Variants in RNF213 observed in about 807,000 individuals in gnomAD.
The protein encoded by RNF213 is E3 ubiquitin-protein ligase RNF213.
RNF213 carries 341 observed loss-of-function variants against 514.4 expected under a neutral mutation model. That is an observed-to-expected ratio of 0.66 (90% CI 0.61 to 0.73). The LOEUF (loss-of-function observed/expected upper bound fraction) is 0.73. Ranked by LOEUF, RNF213 falls within the 30% of genes least tolerant of loss-of-function variation. RNF213 has a pLI of 0.00. For synonymous variants in RNF213, 2,655 were observed against 2,658.2 expected (o/e 1.00, Z 0.04); for missense variants, 5,767 against 6,615.6 (o/e 0.87, Z 4.45).
intron 23 of RNF213, 95 bp from the exon 24 acceptor site, chr17:80,337,491 G>C: frequency 4.1e-6 from 6 of 1,468,816 alleles, no homozygotes; most frequent in Non-Finnish European, 4.5e-6. Flanking sequence ...AGAAGGCTCT[G>C]CAGCGAGGCA....
At chr17:80,273,119 G>A (rs1440351475) in intron 2 of RNF213, 122 bp from the exon 3 acceptor site, 2 of 1,345,222 alleles carry the variant, frequency 1.5e-6, no homozygotes, top group East Asian at 2.3e-5. Context: ...CAGGCCCAAT[G>A]CAGGACCTCG....
intron 26 of RNF213, chr17:80,341,164 C>G (rs1363414854): frequency 4.6e-5 from 7 of 152,214 alleles, no homozygotes; most frequent in Non-Finnish European, 7.3e-5. Context: ...GTCTCAAACT[C>G]CTGACCTCAG....
intron 21 of RNF213, among the ~76,000 whole-genome samples, chr17:80,333,052 T>C (rs978255753): frequency 3.3e-5 from 5 of 149,634 alleles, no homozygotes; most frequent in Non-Finnish European, 5.9e-5. Flanking sequence ...GTGACTCTTT[T>C]GCTTTTTTTT....
intron 67 of RNF213, 32 bp from the exon 68 acceptor site, chr17:80,393,312 CT>C: frequency 6.2e-7 from 1 of 1,609,248 alleles, no homozygotes; most frequent in Non-Finnish European, 8.5e-7. Flanking sequence ...GCTGAGGAGA[CT>C]GTTTTAAATG....
At chr17:80,376,589 C>CA in intron 52 of RNF213, 46 bp downstream of exon 52, 1 of 1,612,790 alleles carries the variant, frequency 6.2e-7, no homozygotes, top group Non-Finnish European at 8.5e-7. Flanking sequence ...GAACACCCCC[C>CA]AGAGCTTGTC....
chr17:80,287,593 G>A (rs1289128248), intron 3 of RNF213, among the ~76,000 whole-genome samples: 2 of 152,236 alleles, frequency 1.3e-5, no homozygotes, highest in African/African-American at 2.4e-5. Flanking sequence ...ACCGTGCCGA[G>A]TGTGGCGAGC....
intron 46 of RNF213, 91 bp from the exon 47 acceptor site, chr17:80,371,782 AG>A: frequency 1.4e-6 from 1 of 726,218 alleles, no homozygotes. Flanking sequence ...ACACACACAC[AG>A]GACAGACGAC....
intron 2 of RNF213, among the ~76,000 whole-genome samples, chr17:80,271,315 C>T (rs1244677612): frequency 1.3e-5 from 2 of 152,228 alleles, no homozygotes; most frequent in Non-Finnish European, 1.5e-5. Context: ...TGCTAAGGAA[C>T]TTCACGAATT....
At chr17:80,336,133 C>T (rs1000743624) in intron 22 of RNF213, 28 bp from the exon 23 acceptor site, 50 of 1,524,204 alleles carry the variant, frequency 3.3e-5, no homozygotes, top group Non-Finnish European at 3.9e-5. Context: ...AATAGTCCCA[C>T]GCTGAACTCC....
At chr17:80,338,335 TCTCA>T (rs1323099064) in intron 25 of RNF213, among the ~76,000 whole-genome samples, 1 of 152,190 alleles carries the variant, frequency 6.6e-6, no homozygotes, top group Non-Finnish European at 1.5e-5. Context: ...GAATTGCCTC[TCTCA>T]CTCTGTAAAT....
In RNF213 at chr17:80,377,541, ATAAAAT is replaced by A. The variant is rs1319661987; in HGVS notation, c.13511-217_13511-212del. The stretch of plus-strand genomic sequence containing the variant: ...CTATATTCTAATTGCTCTTTACTTG[ATAAAAT>A]TAATAAAATTAGACTCAGACATTTT... On this transcript the variant is annotated intron_variant, in intron 53 of 67. Coordinates refer to ENST00000582970, the MANE Select transcript of RNF213 (RefSeq NM_001256071.3). This position sits in a 1 kb window ranked among gnomAD's most constrained non-coding sequence, Gnocchi z 4.1. 1.6e-6 allele frequency: 1 copy of A among 625,520 alleles called. No homozygotes were observed. Among genetic ancestry groups the A allele is most frequent in the African/African-American group, 1.8e-5 (1 of 54,942 alleles). The allele number at this position is 625,520 out of a possible 1,614,324, so 38.7% of individuals were successfully genotyped here. A position where few individuals can be genotyped will look rare whatever the true frequency, so the allele number is the denominator to read the frequency against.
At chr17:80,269,433 AT>A (rs1567990743) in intron 2 of RNF213, among the ~76,000 whole-genome samples, 12 of 147,490 alleles carry the variant, frequency 8.1e-5, no homozygotes, top group East Asian at 8.0e-4. Context: ...CCATTCATCT[AT>A]TCTATCTATC....
intron 3 of RNF213, among the ~76,000 whole-genome samples, chr17:80,285,468 C>T (rs1001909265): frequency 6.6e-6 from 1 of 152,204 alleles, no homozygotes; most frequent in Admixed American, 6.5e-5. Context: ...GCCAGGTCTC[C>T]TCAGCACACT....
Position 80,381,678 on chromosome 17 carries a change from C to T in RNF213, c.13929C>T (p.His4643=). 2 of 1,614,182 alleles carry T rather than the reference C, an allele frequency of 1.2e-6. No individual in the cohort carries two copies. The highest frequency in any genetic ancestry group is 2.2e-5 in the South Asian group (2 of 91,088). Residue 4643 remains histidine, a synonymous_variant, in exon 57 of 68, where the codon CAC becomes CAT. Coordinates refer to ENST00000582970, the MANE Select transcript of RNF213 (RefSeq NM_001256071.3). ...CCGACGAGACCATCGGCGTGGTCCA[C>T]CTCGTCCTGCGCAGGCTTCTCCAAG... ...HSADETIGVV[H]LVLRRLLQEQ...
chr17:80,379,982 T>C (rs2079921017), intron 55 of RNF213, among the ~76,000 whole-genome samples: 1 of 152,164 alleles, frequency 6.6e-6, no homozygotes, highest in African/African-American at 2.4e-5. Context: ...CTTTTGGGCC[T>C]TGGGTGCACC....
intron 16 of RNF213, among the ~76,000 whole-genome samples, chr17:80,318,057 G>A (rs192964319): frequency 1.8e-4 from 28 of 152,214 alleles, no homozygotes; most frequent in African/African-American, 6.3e-4. Context: ...AAGTCAGGAC[G>A]TCTTTCCGAA....
At chr17:80,278,423 C>G (rs1394346906) in intron 3 of RNF213, among the ~76,000 whole-genome samples, 1 of 152,218 alleles carries the variant, frequency 6.6e-6, no homozygotes, top group South Asian at 2.1e-4. Flanking sequence ...CCAAGGCATT[C>G]GTGTGGAGGC....
chr17:80,317,221 G>T lies in RNF213; in HGVS notation c.2845G>T (p.Ala949Ser), dbSNP rs377487562. 2.5e-6 allele frequency: 4 copies of T among 1,612,726 alleles called. No individual in the cohort carries two copies. Among genetic ancestry groups the T allele is most frequent in the East Asian group, 2.2e-5 (1 of 44,896 alleles). ...GCGGCTGGTGGAAATCCAATTCCCC[G>T]CGGAGCATGGCTGGAAGGAGTCGTT... ...WRRLVEIQFPAEHGWKESLLG... is the reference protein window; with the variant it reads ...WRRLVEIQFPSEHGWKESLLG... Residue 949 changes from alanine to serine, a missense_variant, in exon 16 of 68, where the codon GCG becomes TCG. Physicochemically the swap from Ala to Ser is moderately conservative, Grantham distance 99 (BLOSUM62 1). This residue lies in a region of RNF213 where 592 missense variants were observed against 673.9 expected (regional missense o/e 0.88). Coordinates refer to ENST00000582970, the MANE Select transcript of RNF213 (RefSeq NM_001256071.3). The surrounding 1 kb of genome is among the most constrained non-coding windows in gnomAD (Gnocchi z 4.1).
chr17:80,266,222 G>A (rs762443149), intron 2 of RNF213, among the ~76,000 whole-genome samples: 1 of 150,806 alleles, frequency 6.6e-6, no homozygotes, highest in African/African-American at 2.4e-5. Context: ...TGAGTAGATC[G>A]CTTGAGCCCA....
Sources: allele counts gnomAD v4.1 joint callset (sites outside exome capture counted in the v4.1 genomes callset), GRCh38; gene constraint gnomAD v4.1.1; regional missense constraint gnomAD v4.1.1; non-coding constraint Gnocchi (gnomAD v3.1); transcripts MANE v1.5; gene names NCBI Gene and HGNC (gene_info 2026-07-23, HGNC 2026-07-21).